MEF2D: variants seen among roughly 807,000 people sequenced by gnomAD.
The protein encoded by MEF2D is myocyte-specific enhancer factor 2D.
A neutral mutation model predicts 59.3 loss-of-function variants in MEF2D; 10 were observed. That is an observed-to-expected ratio of 0.17 (90% CI 0.10 to 0.29). The LOEUF (loss-of-function observed/expected upper bound fraction) is 0.29. Among genes scored for constraint, MEF2D ranks in the 10% least tolerant of loss-of-function variants. The pLI, the probability that MEF2D is intolerant of heterozygous loss-of-function variation, is 1.00. For synonymous variants in MEF2D, 305 were observed against 295.0 expected, an observed-to-expected ratio of 1.03 and a Z score of -0.35; for missense variants, 508 against 699.4, an observed-to-expected ratio of 0.73 and a Z score of 3.09.
intron 8 of MEF2D, among the ~76,000 whole-genome samples, chr1:156,475,957 G>C (rs1295961673): frequency 6.6e-6 from 1 of 152,210 alleles, no homozygotes; most frequent in Non-Finnish European, 1.5e-5. Flanking sequence ...GGAGCACAGG[G>C]AGACAGGGGA....
chr1:156,465,711 TACACTCAG>T lies in MEF2D; in HGVS notation c.*1926_*1933del, dbSNP rs1450138034. Reference sequence around the variant, plus strand: ...ACACACACACACATAAATACAAAGCTACACTCAGACACATAAACACCAGATGCCCTCAT... The same window carrying T: ...ACACACACACACATAAATACAAAGCTACACATAAACACCAGATGCCCTCAT... On this transcript the variant is annotated 3_prime_UTR_variant, in exon 12 of 12. Coordinates refer to ENST00000348159, the MANE Select transcript of MEF2D (RefSeq NM_005920.4). 1 of 152,006 alleles carries T rather than the reference TACACTCAG, an allele frequency of 6.6e-6. No individual in the cohort carries two copies. Among genetic ancestry groups the T allele is most frequent in the African/African-American group, 2.4e-5 (1 of 41,336 alleles). 9.4% of individuals were successfully genotyped at this position (152,006 alleles called of 1,614,324 possible). A position where few individuals can be genotyped will look rare whatever the true frequency, so the allele number is the denominator to read the frequency against.
intron 1 of MEF2D, among the ~76,000 whole-genome samples, chr1:156,489,412 G>C (rs562093223): frequency 1.1e-4 from 17 of 152,250 alleles, no homozygotes; most frequent in Admixed American, 4.6e-4. Flanking sequence ...GGTGGCAGAG[G>C]GGGGACAGAC....
At position 156,483,362 on chromosome 1, in the gene MEF2D, A is replaced by G; in HGVS notation, c.-70T>C. The G allele has an allele frequency of 7.1e-7, 1 of 1,409,870 alleles. No individual in the cohort carries two copies. The highest frequency in any genetic ancestry group is 1.0e-6 in the Non-Finnish European group (1 of 994,422). The allele number at this position is 1,409,870 out of a possible 1,614,324, so 87.3% of individuals were successfully genotyped here. On this transcript the variant is annotated 5_prime_UTR_variant, in exon 2 of 12. Transcript: ENST00000348159. The stretch of plus-strand genomic sequence containing the variant: ...GGTGGTGGGTCTCGGCACACCTTAC[A>G]CTGTGCTCATGAACGGTCTGGGAAC...
intron 1 of MEF2D, among the ~76,000 whole-genome samples, chr1:156,488,606 G>A (rs1480958213): frequency 6.6e-6 from 1 of 152,196 alleles, no homozygotes; most frequent in African/African-American, 2.4e-5. Flanking sequence ...CACATGATGT[G>A]CAAAATGTAC....
At chr1:156,485,923 C>G (rs1672330693) in intron 1 of MEF2D, among the ~76,000 whole-genome samples, 1 of 151,030 alleles carries the variant, frequency 6.6e-6, no homozygotes, top group African/African-American at 2.4e-5. Context: ...GATCTTGGCT[C>G]ACCGCAACCT....
intron 9 of MEF2D, among the ~76,000 whole-genome samples, chr1:156,474,038 C>T (rs1385621959): frequency 3.3e-5 from 5 of 152,210 alleles, no homozygotes; most frequent in Admixed American, 6.5e-5. Context: ...CCCCTCACCA[C>T]TCCCCATACC....
intron 9 of MEF2D, 47 bp from the exon 10 acceptor site, chr1:156,469,067 A>C: frequency 2.6e-6 from 4 of 1,554,194 alleles, no homozygotes; most frequent in Non-Finnish European, 3.5e-6. Flanking sequence ...GGGAGAGCAC[A>C]CAGGCTCCTA....
At chr1:156,483,538 C>T in intron 1 of MEF2D, 108 bp from the exon 2 acceptor site, 1 of 573,468 alleles carries the variant, frequency 1.7e-6, no homozygotes, top group Non-Finnish European at 3.1e-6. Context: ...CTGGCAGCAT[C>T]TGAGCTCCAC....
At chr1:156,485,234 C>T (rs1365474041) in intron 1 of MEF2D, among the ~76,000 whole-genome samples, 1 of 152,210 alleles carries the variant, frequency 6.6e-6, no homozygotes, top group Non-Finnish European at 1.5e-5. Context: ...GCTCCCACTG[C>T]CAATGGCTGC....
Position 156,468,338 on chromosome 1 carries a change from A to G in MEF2D, c.1248-39T>C, listed in dbSNP as rs773114395. 3 of 1,433,410 alleles carry G rather than the reference A, an allele frequency of 2.1e-6. No homozygotes were observed. The East Asian group carries it at 6.9e-5, about 33-fold the overall frequency. The allele number at this position is 1,433,410 out of a possible 1,614,324, so 88.8% of individuals were successfully genotyped here. A position where few individuals can be genotyped will look rare whatever the true frequency, so the allele number is the denominator to read the frequency against. On this transcript the variant is annotated intron_variant, in intron 10 of 11. Transcript: ENST00000348159. This position sits in a 1 kb window ranked among gnomAD's most constrained non-coding sequence, Gnocchi z 4.3. ...ATGGAAATGGGGTACAAGGGATAAA[A>G]ACAGAGGGGGTGAGTGACAGAACAA...
chr1:156,480,912 C>A lies in MEF2D; in HGVS notation c.318G>T (p.Ser106=). 6.2e-7 allele frequency: 1 copy of A among 1,611,610 alleles called. No homozygotes were observed. Among genetic ancestry groups the A allele is most frequent in the Non-Finnish European group, 8.5e-7 (1 of 1,179,454 alleles). The change falls in exon 4 of 12, where the codon TCG becomes TCT. Residue 106 remains serine (S), a synonymous_variant. Transcript: ENST00000348159. ...CCTCCAGCAGGGGGCTCTGTTCCAG[C>A]GAGTCCTCCCCGTCGGGCTCGGGGC... is the stretch of plus-strand genomic sequence containing the variant. ...CDSPEPDGED[S]LEQSPLLEDK... is the part of the protein sequence containing the mutation.
rs952181784 is a variant in MEF2D at position 156,469,540 on chromosome 1, G to C, written c.1007-520C>G. On this transcript the variant is annotated intron_variant, in intron 9 of 11. Coordinates refer to ENST00000348159, the MANE Select transcript of MEF2D (RefSeq NM_005920.4). ...CCCAAAGTGCTGGGATTACAGGCAT[G>C]AGCCACCGCATCCGACCAAGAGGTG... Among the ~76,000 whole-genome samples, 6 of 151,194 alleles carry C rather than the reference G, an allele frequency of 4.0e-5. 1 individual carries two copies. In the South Asian group the frequency reaches 1.0e-3, roughly 26 times the overall value.
chr1:156,474,944 T>C (rs528021327), intron 9 of MEF2D, among the ~76,000 whole-genome samples, 164 bp downstream of exon 9: 2 of 152,390 alleles, frequency 1.3e-5, no homozygotes, highest in South Asian at 4.1e-4. Flanking sequence ...AAGCATTCTG[T>C]GCTTTTATTT....
At chr1:156,469,536 G>T (rs991084114) in intron 9 of MEF2D, among the ~76,000 whole-genome samples, 2 of 150,810 alleles carry the variant, frequency 1.3e-5, no homozygotes, top group Non-Finnish European at 1.5e-5. Context: ...GGGATTACAG[G>T]CATGAGCCAC....
rs769349883 is a variant in MEF2D at position 156,468,849 on chromosome 1, TGCTGTG to T, written c.1172_1177del (p.Pro391_Gln392del). 15 of 1,613,868 alleles carry T rather than the reference TGCTGTG, an allele frequency of 9.3e-6. No homozygotes were observed. In the Admixed American group the frequency reaches 1.0e-4, roughly 11 times the overall value. On this transcript the variant is annotated inframe_deletion, in exon 10 of 12. Coordinates refer to ENST00000348159, the MANE Select transcript of MEF2D (RefSeq NM_005920.4). The surrounding 1 kb of genome is among the most constrained non-coding windows in gnomAD (Gnocchi z 4.3). ...AGGTGGCTGTTGCGGCTGCTGAGGC[TGCTGTG>T]GCTGTGGCTGCTGTGGCTGCGGTGG... is the stretch of plus-strand genomic sequence containing the variant.
chr1:156,478,256 T>C (rs1671748296), intron 6 of MEF2D, among the ~76,000 whole-genome samples: 1 of 152,138 alleles, frequency 6.6e-6, no homozygotes, highest in South Asian at 2.1e-4. Context: ...TATTATACAG[T>C]GCCCCAAAAC....
chr1:156,468,140 A>G lies in MEF2D; in HGVS notation c.1407T>C (p.Gly469=), dbSNP rs748427391. 6.2e-7 allele frequency: 1 copy of G among 1,613,864 alleles called. No homozygotes were observed. Among genetic ancestry groups the G allele is most frequent in the South Asian group, 1.1e-5 (1 of 91,082 alleles). Residue 469 remains glycine, a synonymous_variant, in exon 11 of 12, where the codon GGT becomes GGC. Coordinates refer to ENST00000348159, the MANE Select transcript of MEF2D (RefSeq NM_005920.4). This position sits in a 1 kb window ranked among gnomAD's most constrained non-coding sequence, Gnocchi z 4.3. ...AGGATCCCCCGGCTGGGCTGCTGAGACCATCGCCAGGCTCAGGGCGGGCAG... is the reference window on the plus strand; with the variant it reads ...AGGATCCCCCGGCTGGGCTGCTGAGGCCATCGCCAGGCTCAGGGCGGGCAG... ...FPAARPEPGD[G]LSSPAGGSYE...
Position 156,482,381 on chromosome 1 carries a change from G to A in MEF2D, c.258+56C>T, listed in dbSNP as rs1672082177. On this transcript the variant is annotated intron_variant, in intron 3 of 11. Coordinates refer to ENST00000348159, the MANE Select transcript of MEF2D (RefSeq NM_005920.4). ...CTGCGTGTACATGCAACGTGGGCAC[G>A]TGTCCATGTGGATGCAGGCGGGGGT... 5.7e-6 allele frequency: 9 copies of A among 1,584,456 alleles called. No individual in the cohort carries two copies. The East Asian group carries it at 6.7e-5, about 12-fold the overall frequency.
intron 4 of MEF2D, 198 bp downstream of exon 4, chr1:156,480,636 T>G: frequency 6.5e-7 from 1 of 1,546,936 alleles, no homozygotes; most frequent in Non-Finnish European, 8.7e-7. Flanking sequence ...TCCATGCGAC[T>G]ACTCACGGCC....
Sources: gnomAD v4.1 joint callset for allele counts (sites outside exome capture counted in the v4.1 genomes callset) on GRCh38, gnomAD v4.1.1 for gene constraint, Gnocchi (gnomAD v3.1) non-coding constraint, MANE v1.5 for transcripts, NCBI Gene and HGNC (gene_info 2026-07-23, HGNC 2026-07-21) for gene names.